Variants in TCAIM observed in about 807,000 individuals in gnomAD.
TCAIM encodes the protein T cell activation inhibitor, mitochondrial, also known as T-cell activation inhibitor, mitochondrial.
TCAIM carries 36 observed loss-of-function variants against 58.6 expected under a neutral mutation model. That is an observed-to-expected ratio of 0.61 (90% CI 0.47 to 0.81). TCAIM has a LOEUF of 0.81. Among genes scored for constraint, TCAIM ranks in the 30% least tolerant of loss-of-function variants. The pLI is 0.00. For synonymous variants in TCAIM, 172 were observed against 193.6 expected (o/e 0.89, Z 0.93); for missense variants, 466 against 579.6 (o/e 0.80, Z 2.01).
chr3:44,371,061 C>G (rs547341239), intron 5 of TCAIM, among the ~76,000 whole-genome samples: 4 of 151,732 alleles, frequency 2.6e-5, no homozygotes, highest in Admixed American at 2.6e-4. Flanking sequence ...AGGCACACAC[C>G]GTCACACCCC....
intron 1 of TCAIM, among the ~76,000 whole-genome samples, chr3:44,342,923 G>A (rs1700884124): frequency 6.6e-6 from 1 of 151,954 alleles, no homozygotes; most frequent in African/African-American, 2.4e-5. Flanking sequence ...GATCAGCTGA[G>A]GTCAGGAGTT....
At chr3:44,349,168 C>T (rs1046763570) in intron 1 of TCAIM, among the ~76,000 whole-genome samples, 1 of 151,942 alleles carries the variant, frequency 6.6e-6, no homozygotes, top group African/African-American at 2.4e-5. Context: ...ACTGAAGGAA[C>T]AGATAAGAGA....
chr3:44,367,446 T>C lies in TCAIM; in HGVS notation c.320-10T>C, dbSNP rs2125637713. ...CTGTATTAATTGTTTGGGGGAATTA[T>C]ATTCTCTAGGATTTCGAGCAGTCAA... is the stretch of plus-strand genomic sequence containing the variant. On this transcript the variant is annotated splice_polypyrimidine_tract_variant and intron_variant, in intron 4 of 10. Transcript: ENST00000342649. 1 of 1,598,662 alleles carries C rather than the reference T, an allele frequency of 6.3e-7. No homozygotes were observed. The highest frequency in any genetic ancestry group is 2.2e-5 in the East Asian group (1 of 44,620).
At chr3:44,400,253 T>C in intron 8 of TCAIM, 102 bp from the exon 9 acceptor site, 1 of 911,006 alleles carries the variant, frequency 1.1e-6, no homozygotes, top group Middle Eastern at 3.5e-4. Context: ...TGAAAATCAT[T>C]TTCTTGTTAA....
chr3:44,345,765 T>C (rs1700954045), intron 1 of TCAIM, among the ~76,000 whole-genome samples: 1 of 151,934 alleles, frequency 6.6e-6, no homozygotes, highest in African/African-American at 2.4e-5. Context: ...AGTATTGGAG[T>C]GTACCCTGCC....
chr3:44,392,796 A>G, intron 5 of TCAIM, 59 bp from the exon 6 acceptor site: 2 of 1,491,680 alleles, frequency 1.3e-6, no homozygotes, highest in Non-Finnish European at 9.1e-7. Flanking sequence ...GTGTCTTTTA[A>G]TAGTAAAAAT....
chr3:44,338,167 T>G (rs1039830099), upstream of TCAIM: 7 of 152,486 alleles, frequency 4.6e-5, no homozygotes, highest in Admixed American at 1.3e-4. Flanking sequence ...CAGCGCGTGC[T>G]CGGTTGCCCT....
At chr3:44,352,161 G>A (rs1701106340) in intron 1 of TCAIM, among the ~76,000 whole-genome samples, 1 of 151,166 alleles carries the variant, frequency 6.6e-6, no homozygotes, top group South Asian at 2.1e-4. Context: ...TAGCCATGTG[G>A]TGATTGTTTT....
Position 44,367,674 on chromosome 3 carries a change from C to A in TCAIM, c.538C>A (p.Leu180Ile), listed in dbSNP as rs746492537. The stretch of plus-strand genomic sequence containing the variant: ...TGGATTCAAGGACCCTGATGAAGAC[C>A]TTGAACAAGTCTCGAGAGTGGAAAC... ...FTGFKDPDED[L>I]EQVSRVETTL... Residue 180 changes from leucine (L) to isoleucine (I), a missense_variant, in exon 5 of 11, where the codon CTT becomes ATT. Transcript: ENST00000342649. 1.2e-6 allele frequency: 2 copies of A among 1,613,570 alleles called. No individual in the cohort carries two copies. The highest frequency in any genetic ancestry group is 1.7e-6 in the Non-Finnish European group (2 of 1,179,602).
intron 4 of TCAIM, among the ~76,000 whole-genome samples, chr3:44,366,455 T>C (rs1461741197): frequency 7.3e-6 from 1 of 137,402 alleles, no homozygotes; most frequent in Non-Finnish European, 1.5e-5. Context: ...GCCTGGCTAA[T>C]TTTTGTTGTT....
intron 1 of TCAIM, among the ~76,000 whole-genome samples, chr3:44,349,419 G>A (rs1701039566): frequency 6.6e-6 from 1 of 152,182 alleles, no homozygotes; most frequent in Non-Finnish European, 1.5e-5. Context: ...GTGAGTTGAA[G>A]AGGTTTTAAG....
chr3:44,379,187 CAAAAAA>C (rs757481300), intron 5 of TCAIM, among the ~76,000 whole-genome samples: 3 of 122,280 alleles, frequency 2.5e-5, no homozygotes, highest in Non-Finnish European at 3.5e-5. Flanking sequence ...GGCCCTGTCT[CAAAAAA>C]AAAAAAATTA....
chr3:44,407,955 T>A lies in TCAIM; in HGVS notation c.*273T>A, dbSNP rs936450740. 4.0e-6 allele frequency: 1 copy of A among 249,654 alleles called. No homozygotes were observed. Among genetic ancestry groups the A allele is most frequent in the African/African-American group, 2.3e-5 (1 of 44,428 alleles). 15.5% of individuals were successfully genotyped at this position (249,654 alleles called of 1,614,324 possible). On this transcript the variant is annotated 3_prime_UTR_variant, in exon 11 of 11. Coordinates refer to ENST00000342649, the MANE Select transcript of TCAIM (RefSeq NM_173826.4). ...AGGCCAAGGTTGCAGTGGGCCCAGA[T>A]TGCACCATTGCCCTCCAGCCTGAGC...
At chr3:44,380,559 A>G (rs992814297) in intron 5 of TCAIM, among the ~76,000 whole-genome samples, 8 of 152,178 alleles carry the variant, frequency 5.3e-5, no homozygotes, top group Non-Finnish European at 1.2e-4. Context: ...TCTCAAATCA[A>G]CAATCTAACT....
chr3:44,353,352 G>A (rs1027406897), intron 1 of TCAIM, among the ~76,000 whole-genome samples: 3 of 152,176 alleles, frequency 2.0e-5, no homozygotes, highest in Non-Finnish European at 4.4e-5. Flanking sequence ...TTGCTTCCAA[G>A]TTTTAGCAGT....
intron 2 of TCAIM, among the ~76,000 whole-genome samples, chr3:44,357,393 A>AAGAG (rs34403193): frequency 0.87 from 131,449 of 151,836 alleles, 57,302 homozygotes; most frequent in East Asian, 1. Context: ...TATATATAGA[A>AAGAG]AGAGAATTAC....
At chr3:44,389,960 T>C (rs1433123840) in intron 5 of TCAIM, among the ~76,000 whole-genome samples, 2 of 152,214 alleles carry the variant, frequency 1.3e-5, no homozygotes, top group African/African-American at 4.8e-5. Context: ...CCATTCTCTC[T>C]CACCTACCTG....
intron 1 of TCAIM, among the ~76,000 whole-genome samples, chr3:44,345,609 AAAG>A (rs1285608944): frequency 6.6e-6 from 1 of 152,172 alleles, no homozygotes; most frequent in Non-Finnish European, 1.5e-5. Context: ...ATTGTTTGTT[AAAG>A]AAGGATTAGA....
intron 5 of TCAIM, 165 bp downstream of exon 5, chr3:44,367,873 C>T: frequency 1.7e-6 from 1 of 574,488 alleles, no homozygotes; most frequent in Non-Finnish European, 2.8e-6. Flanking sequence ...CTAGTTAATC[C>T]AGTAATCATT....
Sources: allele counts gnomAD v4.1 joint callset (sites outside exome capture counted in the v4.1 genomes callset), GRCh38; gene constraint gnomAD v4.1.1; transcripts MANE v1.5; gene names NCBI Gene and HGNC (gene_info 2026-07-23, HGNC 2026-07-21).